The following ANKRD44 variants were observed in gnomAD, a reference collection of about 807,000 sequenced individuals.
The protein encoded by ANKRD44 is serine/threonine-protein phosphatase 6 regulatory ankyrin repeat subunit B.
In ANKRD44, 35 loss-of-function variants were observed where a neutral mutation model predicts 116.0. That is an observed-to-expected ratio of 0.30 (90% CI 0.23 to 0.40). The LOEUF is 0.40. Ranked by LOEUF, ANKRD44 falls within the 10% of genes least tolerant of loss-of-function variation. The pLI, the probability that ANKRD44 is intolerant of heterozygous loss-of-function variation, is 1.00. For missense variants in ANKRD44, 1,014 were observed against 1,242.6 expected (o/e 0.82, Z 2.77); for synonymous variants, 435 against 461.8 (o/e 0.94, Z 0.74).
At chr2:197,113,494 A>G (rs577797614) in intron 8 of ANKRD44, among the ~76,000 whole-genome samples, 1 of 152,340 alleles carries the variant, frequency 6.6e-6, no homozygotes, top group East Asian at 1.9e-4. Flanking sequence ...TAAAGCTATA[A>G]ATACTTCAGC....
intron 1 of ANKRD44, among the ~76,000 whole-genome samples, chr2:197,292,476 C>T (rs2083600523): frequency 6.6e-6 from 1 of 152,148 alleles, no homozygotes; most frequent in South Asian, 2.1e-4. Flanking sequence ...ACTCAAATCA[C>T]AATAGTGTTT....
intron 16 of ANKRD44, among the ~76,000 whole-genome samples, chr2:197,025,543 A>G (rs757706690): frequency 6.6e-6 from 1 of 152,262 alleles, no homozygotes; most frequent in Non-Finnish European, 1.5e-5. Flanking sequence ...TGATTCTACT[A>G]TCAAACACAC....
At chr2:197,215,165 C>G (rs936420646) in intron 1 of ANKRD44, among the ~76,000 whole-genome samples, 1 of 152,164 alleles carries the variant, frequency 6.6e-6, no homozygotes, top group African/African-American at 2.4e-5. Context: ...AGTCAGCCAC[C>G]ATGCCAGGCC....
Position 197,102,309 on chromosome 2 carries a change from A to C in ANKRD44, c.986-2379T>G, listed in dbSNP as rs147953551. On this transcript the variant is annotated intron_variant, in intron 9 of 27. Transcript: ENST00000282272. ...ATGTATGTTGCTTCATATTTGTTAG[A>C]TGTATCTTCAAGGTAAATTTTCAGA... 3.9e-5 allele frequency among the ~76,000 whole-genome samples: 6 copies of C among 152,308 alleles called. No individual in the cohort carries two copies. In the East Asian group the frequency reaches 1.2e-3, roughly 29 times the overall value.
chr2:197,050,075 C>T (rs1559021316), intron 16 of ANKRD44, among the ~76,000 whole-genome samples: 3 of 152,232 alleles, frequency 2.0e-5, no homozygotes, highest in South Asian at 4.2e-4. Context: ...TCTGGGGTGG[C>T]TTCAGGAACT....
chr2:197,121,556 T>C lies in ANKRD44; in HGVS notation c.694-12A>G. ...TTGATTTCATCAATCTGCAAAAGAG[T>C]CCAACACAGGGTGATTAAAGTCATT... On this transcript the variant is annotated splice_polypyrimidine_tract_variant and intron_variant, in intron 7 of 27. Transcript: ENST00000282272. 6.2e-7 allele frequency: 1 copy of C among 1,611,376 alleles called. No homozygotes were observed.
At chr2:197,084,313 G>A (rs531126675) in intron 13 of ANKRD44, among the ~76,000 whole-genome samples, 1 of 152,192 alleles carries the variant, frequency 6.6e-6, no homozygotes, top group South Asian at 2.1e-4. Flanking sequence ...GCCCATTCAC[G>A]AATCACTTCC....
chr2:197,114,666 A>C (rs2078666605), intron 8 of ANKRD44, among the ~76,000 whole-genome samples: 1 of 152,134 alleles, frequency 6.6e-6, no homozygotes, highest in Non-Finnish European at 1.5e-5. Flanking sequence ...TTGAAAGCAT[A>C]ATGTTCTCTG....
chr2:197,205,684 A>T (rs2081190261), intron 1 of ANKRD44, among the ~76,000 whole-genome samples: 1 of 152,184 alleles, frequency 6.6e-6, no homozygotes, highest in Non-Finnish European at 1.5e-5. Context: ...AATGATCAAG[A>T]TACAGTCCCA....
chr2:197,057,402 T>A (rs2077222853), intron 16 of ANKRD44, among the ~76,000 whole-genome samples: 1 of 152,228 alleles, frequency 6.6e-6, no homozygotes, highest in East Asian at 1.9e-4. Flanking sequence ...TTGTCAGTAC[T>A]TTTTCATGGA....
intron 1 of ANKRD44, among the ~76,000 whole-genome samples, chr2:197,278,413 G>A (rs988402277): frequency 5.9e-5 from 9 of 152,032 alleles, no homozygotes; most frequent in South Asian, 2.1e-4. Flanking sequence ...CTGGAGTGCA[G>A]TGGTGTGATC....
intron 16 of ANKRD44, among the ~76,000 whole-genome samples, chr2:197,035,416 G>C (rs1378766898): frequency 6.6e-6 from 1 of 152,190 alleles, no homozygotes; most frequent in African/African-American, 2.4e-5. Context: ...TGGTGTGTCT[G>C]AGGTAAGCCT....
At chr2:197,306,505 C>A (rs1391876414) in intron 1 of ANKRD44, among the ~76,000 whole-genome samples, 1 of 152,150 alleles carries the variant, frequency 6.6e-6, no homozygotes, top group African/African-American at 2.4e-5. Flanking sequence ...GAAACACCAG[C>A]CTCAAGTGCA....
At chr2:197,268,568 G>A (rs1461014715) in intron 1 of ANKRD44, among the ~76,000 whole-genome samples, 2 of 152,220 alleles carry the variant, frequency 1.3e-5, no homozygotes, top group Non-Finnish European at 2.9e-5. Context: ...GAAAGGAATT[G>A]TAGTCACATG....
intron 2 of ANKRD44, among the ~76,000 whole-genome samples, chr2:197,165,180 G>C (rs2080075852): frequency 6.6e-6 from 1 of 152,172 alleles, no homozygotes. Context: ...TGGCTGGCTG[G>C]CTGAATTCGA....
chr2:197,007,942 CA>C lies in ANKRD44; in HGVS notation c.2013-20del, dbSNP rs1395891485. Reference sequence around the variant, plus strand: ...TGGTGTTCTAGGCAGAGAGATAAAGCAGGCTTTTAAAAAGGAGATTTAAAAA... The same window carrying C: ...TGGTGTTCTAGGCAGAGAGATAAAGCGGCTTTTAAAAAGGAGATTTAAAAA... On this transcript the variant is annotated intron_variant, in intron 19 of 27. Coordinates refer to ENST00000282272, the MANE Select transcript of ANKRD44 (RefSeq NM_001195144.2). The C allele has an allele frequency of 1.3e-6, 2 of 1,570,392 alleles. No homozygotes were observed. The highest frequency in any genetic ancestry group is 2.2e-5 in the South Asian group (2 of 89,442).
chr2:197,305,981 A>ATG (rs1167593080), intron 1 of ANKRD44, among the ~76,000 whole-genome samples: 1 of 145,332 alleles, frequency 6.9e-6, no homozygotes, highest in Admixed American at 6.8e-5. Flanking sequence ...ATATATATAT[A>ATG]TATATATATA....
At position 197,212,777 on chromosome 2, in the gene ANKRD44, T is replaced by A. The variant is rs114528958; in HGVS notation, c.28-25671A>T. Among the ~76,000 whole-genome samples, 4,430 of 151,418 alleles carry A rather than the reference T, an allele frequency of 0.029. 225 individuals carry two copies. The highest frequency in any genetic ancestry group is 0.1 in the African/African-American group (4,147 of 41,238). ...AGTTAACACCCACAAGGAAGGGAGG[T>A]GGACACGTACACACACAAACACACA... On this transcript the variant is annotated intron_variant, in intron 1 of 27. Transcript: ENST00000282272. This position sits in a 1 kb window ranked among gnomAD's most constrained non-coding sequence, Gnocchi z 4.8.
At chr2:197,010,243 C>A (rs181637905) in intron 18 of ANKRD44, among the ~76,000 whole-genome samples, 1 of 152,184 alleles carries the variant, frequency 6.6e-6, no homozygotes, top group African/African-American at 2.4e-5. Flanking sequence ...AACCTCACGC[C>A]GGCTGGGTGT....
Sources: allele counts gnomAD v4.1 joint callset (sites outside exome capture counted in the v4.1 genomes callset), GRCh38; gene constraint gnomAD v4.1.1; non-coding constraint Gnocchi (gnomAD v3.1); transcripts MANE v1.5; gene names NCBI Gene and HGNC (gene_info 2026-07-23, HGNC 2026-07-21).